SCAPER: variants seen among roughly 807,000 people sequenced by gnomAD.
SCAPER encodes the protein S-phase cyclin A associated protein in the ER.
A neutral mutation model predicts 182.2 loss-of-function variants in SCAPER; 98 were observed. The ratio of observed to expected loss-of-function variants is 0.54; its 90% CI spans 0.46 to 0.64. The LOEUF (loss-of-function observed/expected upper bound fraction) is 0.64, where lower values mean the gene tolerates loss of function less well. Ranked by LOEUF, SCAPER falls within the 30% of genes least tolerant of loss-of-function variation. The probability of loss-of-function intolerance (pLI) is 0.00; values close to 1 mark genes in which losing one functional copy is unlikely to be tolerated. For synonymous variants in SCAPER, 605 were observed against 564.6 expected (o/e 1.07, Z -1.01); for missense variants, 1,432 against 1,690.0 (o/e 0.85, Z 2.68).
At chr15:76,547,842 A>G (rs1478677577) in intron 23 of SCAPER, among the ~76,000 whole-genome samples, 1 of 152,240 alleles carries the variant, frequency 6.6e-6, no homozygotes, top group African/African-American at 2.4e-5. Flanking sequence ...TAGAGCTTTA[A>G]AAAGTCTTGT....
chr15:76,426,025 TG>T (rs2046400221), intron 26 of SCAPER, among the ~76,000 whole-genome samples: 1 of 152,178 alleles, frequency 6.6e-6, no homozygotes, highest in Non-Finnish European at 1.5e-5. Flanking sequence ...CTGCCCCTAC[TG>T]GGGGGTGCCT....
At chr15:76,863,294 C>T (rs948609324) in intron 2 of SCAPER, among the ~76,000 whole-genome samples, 1 of 152,218 alleles carries the variant, frequency 6.6e-6, no homozygotes. Flanking sequence ...CATGTGAACA[C>T]GAGGATGCAG....
chr15:76,899,425 A>T (rs2074627617), intron 1 of SCAPER, among the ~76,000 whole-genome samples: 1 of 152,194 alleles, frequency 6.6e-6, no homozygotes, highest in Admixed American at 6.5e-5. Flanking sequence ...CGGCCTCCCG[A>T]GGTGCTGGGA....
chr15:76,875,704 C>T (rs911816587), intron 2 of SCAPER, among the ~76,000 whole-genome samples: 2 of 152,136 alleles, frequency 1.3e-5, no homozygotes, highest in African/African-American at 2.4e-5. Flanking sequence ...GGAGTTTGTT[C>T]CTTCTGATGT....
At chr15:76,397,770 C>T (rs2044183198) in intron 27 of SCAPER, among the ~76,000 whole-genome samples, 1 of 152,084 alleles carries the variant, frequency 6.6e-6, no homozygotes, top group African/African-American at 2.4e-5. Flanking sequence ...AGCCACCGCG[C>T]CCGGTCAGGA....
chr15:76,627,128 A>T (rs971346469), intron 21 of SCAPER, among the ~76,000 whole-genome samples: 2 of 152,118 alleles, frequency 1.3e-5, no homozygotes, highest in Non-Finnish European at 2.9e-5. Flanking sequence ...TAATCTCAAT[A>T]TCATCTTGGT....
At chr15:76,601,106 T>C (rs2049901915) in intron 22 of SCAPER, among the ~76,000 whole-genome samples, 1 of 122,218 alleles carries the variant, frequency 8.2e-6, no homozygotes, top group Non-Finnish European at 2.0e-5. Flanking sequence ...TGCTTTTTAT[T>C]TAAAAAGTAA....
intron 21 of SCAPER, among the ~76,000 whole-genome samples, chr15:76,643,352 A>C (rs545150496): frequency 6.6e-6 from 1 of 152,278 alleles, no homozygotes; most frequent in Non-Finnish European, 1.5e-5. Context: ...TCACATGAAT[A>C]ACTTACTTCA....
intron 15 of SCAPER, among the ~76,000 whole-genome samples, chr15:76,736,347 G>A (rs562798542): frequency 4.6e-5 from 7 of 152,280 alleles, no homozygotes; most frequent in Non-Finnish European, 8.8e-5. Context: ...AGGTTGAAGT[G>A]GCTGTGGCAA....
At chr15:76,735,189 AATATATACAGATAGATAGATATAG>A (rs1170270972) in intron 15 of SCAPER, among the ~76,000 whole-genome samples, 5 of 151,720 alleles carry the variant, frequency 3.3e-5, no homozygotes, top group Admixed American at 6.6e-5. Context: ...ATTAAATATA[AATATATACAGATAGATAGATATAG>A]ATATATATAT....
chr15:76,671,719 G>A (rs944564715), intron 20 of SCAPER, among the ~76,000 whole-genome samples: 8 of 151,624 alleles, frequency 5.3e-5, no homozygotes, highest in African/African-American at 1.9e-4. Flanking sequence ...GCAGTGAGTC[G>A]AGATCGCACC....
In SCAPER at chr15:76,592,708, C is replaced by T. The variant is rs760083745; in HGVS notation, c.2712-18424G>A. Among the ~76,000 whole-genome samples, 2 of 122,724 alleles carry T rather than the reference C, an allele frequency of 1.6e-5. 1 individual carries two copies. Among genetic ancestry groups the T allele is most frequent in the East Asian group, 4.4e-4 (2 of 4,496 alleles). 80.5% of individuals were successfully genotyped at this position (122,724 alleles called of 152,430 possible). On this transcript the variant is annotated intron_variant, in intron 22 of 31. Transcript: ENST00000563290. ...GGGTGAGGTGTTGCCTCACCTGGGA[C>T]GCGCAAGGGTTTGGGGAACTCCCTC...
intron 14 of SCAPER, among the ~76,000 whole-genome samples, chr15:76,760,028 C>T (rs547096683): frequency 1.3e-5 from 2 of 152,250 alleles, no homozygotes; most frequent in Middle Eastern, 6.8e-3. Flanking sequence ...TTTTCCTACT[C>T]TCACATACAA....
chr15:76,591,265 A>G (rs757785522), intron 22 of SCAPER, among the ~76,000 whole-genome samples: 2 of 146,212 alleles, frequency 1.4e-5, no homozygotes, highest in Non-Finnish European at 3.1e-5. Flanking sequence ...GTCGACTTAA[A>G]CCAGGGTGGA....
At chr15:76,720,518 T>C (rs1243087323) in intron 17 of SCAPER, among the ~76,000 whole-genome samples, 1 of 152,208 alleles carries the variant, frequency 6.6e-6, no homozygotes, top group East Asian at 1.9e-4. Context: ...ACTTCCACAA[T>C]GGTTGAACTA....
intron 26 of SCAPER, among the ~76,000 whole-genome samples, chr15:76,418,899 C>G (rs951301963): frequency 8.5e-5 from 13 of 152,262 alleles, no homozygotes; most frequent in African/African-American, 3.1e-4. Flanking sequence ...AGTCTTGAAG[C>G]CAGCCTGGTT....
At chr15:76,676,641 T>A (rs1241361037) in intron 20 of SCAPER, among the ~76,000 whole-genome samples, 1 of 152,036 alleles carries the variant, frequency 6.6e-6, no homozygotes, top group East Asian at 1.9e-4. Flanking sequence ...TTACATAAAT[T>A]ATGGCACATG....
chr15:76,885,868 C>A (rs1049196877), intron 1 of SCAPER, among the ~76,000 whole-genome samples: 1 of 152,204 alleles, frequency 6.6e-6, no homozygotes, highest in African/African-American at 2.4e-5. Flanking sequence ...AAAAGAAGTT[C>A]TTCAAGTTGA....
intron 1 of SCAPER, among the ~76,000 whole-genome samples, chr15:76,897,972 A>C (rs2074527899): frequency 6.6e-6 from 1 of 152,180 alleles, no homozygotes; most frequent in Non-Finnish European, 1.5e-5. Context: ...TTCACAGATT[A>C]CCACAAAGGA....
Sources: allele counts gnomAD v4.1 joint callset (sites outside exome capture counted in the v4.1 genomes callset), GRCh38; gene constraint gnomAD v4.1.1; transcripts MANE v1.5; gene names NCBI Gene and HGNC (gene_info 2026-07-23, HGNC 2026-07-21).